Variants in JAK1 observed in about 807,000 individuals in gnomAD.
JAK1 encodes the protein Janus kinase 1, also known as tyrosine-protein kinase JAK1.
JAK1 carries 16 observed loss-of-function variants against 136.6 expected under a neutral mutation model. The ratio of observed to expected loss-of-function variants is 0.12; its 90% CI spans 0.08 to 0.18. The LOEUF (loss-of-function observed/expected upper bound fraction) is 0.18, where lower values mean the gene tolerates loss of function less well. Ranked by LOEUF, JAK1 falls within the 10% of genes least tolerant of loss-of-function variation. JAK1 has a pLI of 1.00. For missense variants in JAK1, 859 were observed against 1,450.1 expected (o/e 0.59, Z 6.62); for synonymous variants, 492 against 519.5 (o/e 0.95, Z 0.72).
chr1:64,970,749 G>A (rs550522480), upstream of JAK1, among the ~76,000 whole-genome samples: 66 of 144,220 alleles, frequency 4.6e-4, no homozygotes, highest in South Asian at 0.014. Context: ...AGACGACAGA[G>A]AGACTCTGTC....
chr1:64,898,173 G>A (rs1351269047), intron 1 of JAK1, among the ~76,000 whole-genome samples: 1 of 152,200 alleles, frequency 6.6e-6, no homozygotes, highest in African/African-American at 2.4e-5. Context: ...CCCAAAGCTT[G>A]TCTTCCTGGT....
chr1:65,065,926 G>A (rs1397579913), intron 1 of JAK1, among the ~76,000 whole-genome samples: 1 of 151,700 alleles, frequency 6.6e-6, no homozygotes, highest in Non-Finnish European at 1.5e-5. Flanking sequence ...TGGTTGGTGG[G>A]GGACAGGTCC....
At chr1:64,865,438 G>A (rs889275628) in intron 7 of JAK1, among the ~76,000 whole-genome samples, 3 of 151,998 alleles carry the variant, frequency 2.0e-5, no homozygotes, top group African/African-American at 7.2e-5. Context: ...GAGAAGACAC[G>A]AATTTCATGC....
Position 64,844,816 on chromosome 1 carries a change from T to A in JAK1, c.2189A>T (p.Glu730Val), listed in dbSNP as rs2100995083. The change falls in exon 16 of 25, where the codon GAG becomes GTG. Residue 730 changes from glutamate to valine, a missense_variant. Physicochemically the swap from Glu to Val is moderately radical, Grantham distance 121. Coordinates refer to ENST00000342505, the MANE Select transcript of JAK1 (RefSeq NM_002227.4). The surrounding 1 kb of genome is among the most constrained non-coding windows in gnomAD (Gnocchi z 5.7). ...LLLAREGIDS[E>V]CGPFIKLSDP... Reference sequence around the variant, plus strand: ...ACTGAGCTTGATGAATGGGCCACACTCACTGTCGATGCCCTCACGGGCCAG... The same window carrying A: ...ACTGAGCTTGATGAATGGGCCACACACACTGTCGATGCCCTCACGGGCCAG... 6.2e-7 allele frequency: 1 copy of A among 1,614,144 alleles called. No individual in the cohort carries two copies. The highest frequency in any genetic ancestry group is 8.5e-7 in the Non-Finnish European group (1 of 1,180,012).
At chr1:64,990,356 C>A (rs1313020628) in intron 2 of JAK1, 1 of 152,056 alleles carries the variant, frequency 6.6e-6, no homozygotes, top group East Asian at 1.9e-4. Flanking sequence ...AGCTAAGGGA[C>A]AGAGACTTCA....
At chr1:64,868,013 A>C (rs1301438856) in intron 6 of JAK1, among the ~76,000 whole-genome samples, 2 of 149,812 alleles carry the variant, frequency 1.3e-5, no homozygotes, top group Non-Finnish European at 3.0e-5. Flanking sequence ...CACAAAAAAG[A>C]GAGAGAGAGA....
At chr1:65,049,652 G>T (rs969920580) in intron 1 of JAK1, among the ~76,000 whole-genome samples, 19 of 152,130 alleles carry the variant, frequency 1.2e-4, no homozygotes, top group Non-Finnish European at 2.1e-4. Context: ...CCACAGATGG[G>T]TTGTGGAGGG....
rs747625515 is a variant in JAK1, at chr1:64,883,513, A to G, written c.7-38T>C. 1.7e-5 allele frequency: 26 copies of G among 1,568,250 alleles called. No individual in the cohort carries two copies. The East Asian group carries it at 2.2e-4, about 14-fold the overall frequency. ...GAAAACAAGACTATGTGGTCACTCT[A>G]TGTGCTAAAAGTTCTTATGGCAAAA... On this transcript the variant is annotated intron_variant, in intron 2 of 24. Transcript: ENST00000342505.
At chr1:64,908,997 T>C (rs1645236575) in intron 1 of JAK1, among the ~76,000 whole-genome samples, 1 of 152,168 alleles carries the variant, frequency 6.6e-6, no homozygotes, top group Non-Finnish European at 1.5e-5. Flanking sequence ...AATGAATGAA[T>C]GAATGAACGA....
At position 65,013,028 on chromosome 1, in the gene JAK1, G is replaced by A. The variant is rs181996197; in HGVS notation, c.-78+31452C>T. 6.0e-3 allele frequency among the ~76,000 whole-genome samples: 881 copies of A among 147,156 alleles called. 4 individuals are homozygous for A. Among genetic ancestry groups the A allele is most frequent in the Non-Finnish European group, 0.01 (680 of 67,364 alleles). ...GGAGAATGGCGTGAACCTGGGAGGC[G>A]GAACTTGCAGTGAGCCAAGATCGTG... is the stretch of plus-strand genomic sequence containing the variant. On this transcript the variant is annotated intron_variant, in intron 2 of 25. Coordinates refer to the JAK1 transcript ENST00000671954.
chr1:65,046,178 T>C (rs1383702170), intron 1 of JAK1, among the ~76,000 whole-genome samples: 1 of 152,208 alleles, frequency 6.6e-6, no homozygotes, highest in Non-Finnish European at 1.5e-5. Flanking sequence ...TCAGCAATCC[T>C]TGGTTCCACC....
chr1:65,018,018 C>T (rs551343754), intron 2 of JAK1, among the ~76,000 whole-genome samples: 3 of 151,788 alleles, frequency 2.0e-5, no homozygotes, highest in Non-Finnish European at 2.9e-5. Context: ...CCATGTTGGC[C>T]GGCGCTGGTC....
chr1:64,938,212 A>T (rs1305963216), intron 1 of JAK1, among the ~76,000 whole-genome samples: 1 of 152,056 alleles, frequency 6.6e-6, no homozygotes, highest in African/African-American at 2.4e-5. Flanking sequence ...AGTTTTTTTT[A>T]AAAAAAAGTT....
chr1:64,898,069 T>C (rs900366294), intron 1 of JAK1, among the ~76,000 whole-genome samples: 7 of 152,150 alleles, frequency 4.6e-5, no homozygotes, highest in African/African-American at 1.2e-4. Context: ...TATACACACA[T>C]ACAAAAAGGA....
At chr1:64,957,781 A>G (rs1277520577) in intron 1 of JAK1, among the ~76,000 whole-genome samples, 1 of 152,040 alleles carries the variant, frequency 6.6e-6, no homozygotes, top group Non-Finnish European at 1.5e-5. Flanking sequence ...CGTCTCTACT[A>G]AAAATACAAA....
chr1:64,952,083 C>T (rs1489654916), intron 1 of JAK1, among the ~76,000 whole-genome samples: 2 of 152,138 alleles, frequency 1.3e-5, no homozygotes, highest in African/African-American at 4.8e-5. Context: ...CAATTTAACA[C>T]ATAAAGTATC....
At chr1:64,979,431 A>G (rs1646524349) in intron 2 of JAK1, 1 of 152,206 alleles carries the variant, frequency 6.6e-6, no homozygotes, top group Non-Finnish European at 1.5e-5. Context: ...ATAAAAATAG[A>G]AAAGAATTAG....
intron 5 of JAK1, 113 bp downstream of exon 5, chr1:64,873,257 C>T (rs529833109): frequency 1.6e-6 from 2 of 1,239,610 alleles, no homozygotes; most frequent in African/African-American, 3.0e-5. Flanking sequence ...TTACCCAGAA[C>T]AGGCCTTAAA....
At chr1:64,860,285 C>T (rs1451258533) in intron 8 of JAK1, 23 bp from the exon 9 acceptor site, 1 of 1,587,668 alleles carries the variant, frequency 6.3e-7, no homozygotes, top group African/African-American at 1.3e-5. Flanking sequence ...AAGAAATTCC[C>T]ACGGTTACAT....
Sources: gnomAD v4.1 joint callset for allele counts (sites outside exome capture counted in the v4.1 genomes callset) on GRCh38, gnomAD v4.1.1 for gene constraint, Gnocchi (gnomAD v3.1) non-coding constraint, MANE v1.5 for transcripts, NCBI Gene and HGNC (gene_info 2026-07-23, HGNC 2026-07-21) for gene names.